The following CADM1 variants were observed in gnomAD, a reference collection of about 807,000 sequenced individuals.
CADM1 encodes the protein cell adhesion molecule 1.
Under a neutral mutation model 53.1 loss-of-function variants are expected in CADM1, and 15 were observed. The ratio of observed to expected loss-of-function variants is 0.28; its 90% confidence interval spans 0.19 to 0.44. The LOEUF (loss-of-function observed/expected upper bound fraction) is 0.44. CADM1 is among the 20% of genes least tolerant of loss of function. CADM1 has a pLI of 1.00. For synonymous variants in CADM1, 281 were observed against 243.0 expected, an observed-to-expected ratio of 1.16 and a Z score of -1.45; for missense variants, 434 against 611.3, an observed-to-expected ratio of 0.71 and a Z score of 3.06.
chr11:115,239,569 A>G (rs1421176067), intron 2 of CADM1, among the ~76,000 whole-genome samples: 8 of 152,016 alleles, frequency 5.3e-5, no homozygotes, highest in Admixed American at 5.2e-4. Flanking sequence ...TCTTTCCTCA[A>G]CCTTTTAAAT....
chr11:115,400,072 G>T (rs1011168657), intron 1 of CADM1, among the ~76,000 whole-genome samples: 1 of 152,112 alleles, frequency 6.6e-6, no homozygotes, highest in African/African-American at 2.4e-5. Flanking sequence ...AGAATTGGTC[G>T]ATACTAGGTG....
intron 1 of CADM1, among the ~76,000 whole-genome samples, chr11:115,497,663 G>A (rs746382809): frequency 2.0e-5 from 3 of 152,188 alleles, no homozygotes; most frequent in African/African-American, 7.2e-5. Flanking sequence ...TTTAAACAAG[G>A]AGGTGCCACT....
intron 1 of CADM1, among the ~76,000 whole-genome samples, chr11:115,490,679 A>T (rs1450057837): frequency 1.3e-5 from 2 of 152,080 alleles, no homozygotes; most frequent in African/African-American, 4.8e-5. Flanking sequence ...ATTACAGGCG[A>T]GAGCCACCAT....
Position 115,504,321 on chromosome 11 carries a change from C to T in CADM1, c.74G>A (p.Arg25Gln). Residue 25 changes from arginine to glutamine, a missense_variant, in exon 1 of 12, where the codon CGG becomes CAG. Coordinates refer to ENST00000331581, the MANE Select transcript of CADM1 (RefSeq NM_001301043.2). ...AAAAAAPPGL[R>Q]LRLLLLLFSA... is the part of the protein sequence containing the mutation. ...GAAGAGCAACAGCAGAAGCCGGAGC[C>T]GGAGCCCGGGAGGCGCCGCCGCCGC... 1 of 1,555,734 alleles carries T rather than the reference C, an allele frequency of 6.4e-7. No homozygotes were observed. Among genetic ancestry groups the T allele is most frequent in the South Asian group, 1.2e-5 (1 of 84,398 alleles).
chr11:115,288,437 A>G (rs1943789776), intron 1 of CADM1, among the ~76,000 whole-genome samples: 1 of 151,070 alleles, frequency 6.6e-6, no homozygotes, highest in South Asian at 2.1e-4. Flanking sequence ...ATTTAAAAAA[A>G]TACAGCATCA....
At chr11:115,332,794 A>T (rs886683765) in intron 1 of CADM1, among the ~76,000 whole-genome samples, 23 of 152,150 alleles carry the variant, frequency 1.5e-4, no homozygotes, top group African/African-American at 5.6e-4. Flanking sequence ...AAATAAAAAT[A>T]TAAATAATCT....
intron 1 of CADM1, among the ~76,000 whole-genome samples, chr11:115,431,283 T>A (rs1948042319): frequency 6.6e-6 from 1 of 152,152 alleles, no homozygotes; most frequent in South Asian, 2.1e-4. Flanking sequence ...ATCTTCTTCT[T>A]AACGGCCCAT....
chr11:115,244,272 C>T (rs1942337167), intron 1 of CADM1, among the ~76,000 whole-genome samples: 1 of 152,240 alleles, frequency 6.6e-6, no homozygotes, highest in South Asian at 2.1e-4. Flanking sequence ...GCAGCGGGCA[C>T]ATAAATCCCC....
chr11:115,323,260 C>A (rs1022466482), intron 1 of CADM1, among the ~76,000 whole-genome samples: 1 of 152,064 alleles, frequency 6.6e-6, no homozygotes, highest in African/African-American at 2.4e-5. Flanking sequence ...TAATTTTGAG[C>A]AACTTTTAGT....
chr11:115,202,501 A>G (rs932358819), intron 8 of CADM1, among the ~76,000 whole-genome samples: 1 of 152,198 alleles, frequency 6.6e-6, no homozygotes, highest in African/African-American at 2.4e-5. Flanking sequence ...CCTGCATTTT[A>G]GGGTGTGTTT....
chr11:115,403,299 A>G (rs1321520544), intron 1 of CADM1, among the ~76,000 whole-genome samples: 1 of 208 alleles, frequency 4.8e-3, no homozygotes, highest in Middle Eastern at 0.5. Context: ...CAAAGGTGGA[A>G]CTGAAAAACA....
chr11:115,361,295 T>C (rs1946023271), intron 1 of CADM1, among the ~76,000 whole-genome samples: 1 of 152,182 alleles, frequency 6.6e-6, no homozygotes, highest in Non-Finnish European at 1.5e-5. Context: ...TACCTGGCAA[T>C]TCTCTTACCA....
At chr11:115,453,392 A>T (rs1471179358) in intron 1 of CADM1, among the ~76,000 whole-genome samples, 2 of 152,036 alleles carry the variant, frequency 1.3e-5, no homozygotes, top group Admixed American at 1.3e-4. Flanking sequence ...AAAACCAAAA[A>T]AAAAAAACAA....
chr11:115,284,034 G>A (rs1038843075), intron 1 of CADM1, among the ~76,000 whole-genome samples: 1 of 150,218 alleles, frequency 6.7e-6, no homozygotes, highest in South Asian at 2.1e-4. Flanking sequence ...TGAAAGTGGC[G>A]TTCCAGGCAG....
At chr11:115,254,593 C>CACACACACACAG (rs1491508599) in intron 1 of CADM1, among the ~76,000 whole-genome samples, 1 of 136,296 alleles carries the variant, frequency 7.3e-6, no homozygotes, top group African/African-American at 2.9e-5. Flanking sequence ...CACACACACA[C>CACACACACACAG]AGAGACAACA....
chr11:115,223,829 A>C (rs1333382115), intron 5 of CADM1, among the ~76,000 whole-genome samples: 1 of 152,132 alleles, frequency 6.6e-6, no homozygotes, highest in East Asian at 1.9e-4. Flanking sequence ...ATTAGCTTCA[A>C]TCGGGGTTCT....
chr11:115,502,790 G>A (rs1469162403), intron 1 of CADM1, among the ~76,000 whole-genome samples: 1 of 152,132 alleles, frequency 6.6e-6, no homozygotes, highest in Non-Finnish European at 1.5e-5. Context: ...GTCTCCTACA[G>A]CGTGTCTCCT....
intron 1 of CADM1, among the ~76,000 whole-genome samples, chr11:115,449,418 C>A (rs991550204): frequency 1.3e-5 from 2 of 152,144 alleles, no homozygotes; most frequent in African/African-American, 4.8e-5. Context: ...CCTTTCCCTG[C>A]CAAAACCAAT....
In CADM1 at chr11:115,429,282, A is replaced by G. The variant is rs935080011; in HGVS notation, c.124+74989T>C. Reference sequence around the variant, plus strand: ...AGAATGAACAAAACAACAAACCCATATAACAGTCTATATGCAACATATATT... The same window carrying G: ...AGAATGAACAAAACAACAAACCCATGTAACAGTCTATATGCAACATATATT... On this transcript the variant is annotated intron_variant, in intron 1 of 11. Transcript: ENST00000331581. Among the ~76,000 whole-genome samples, 12 of 152,320 alleles carry G rather than the reference A, an allele frequency of 7.9e-5. No individual in the cohort carries two copies. In the East Asian group the frequency reaches 9.6e-4, roughly 12 times the overall value.
Sources: allele counts gnomAD v4.1 joint callset (sites outside exome capture counted in the v4.1 genomes callset), GRCh38; gene constraint gnomAD v4.1.1; transcripts MANE v1.5; gene names NCBI Gene and HGNC (gene_info 2026-07-23, HGNC 2026-07-21).